Variants in ADH1B observed in about 807,000 individuals in gnomAD.
ADH1B encodes all-trans-retinol dehydrogenase [NAD(+)] ADH1B.
Under a neutral mutation model 34.6 loss-of-function variants are expected in ADH1B, and 29 were observed. The observed-to-expected ratio is 0.84, with a 90% CI of 0.62 to 1.14. ADH1B has a LOEUF of 1.14. ADH1B is among the 50% of genes most tolerant of loss of function. The pLI, the probability that ADH1B is intolerant of heterozygous loss-of-function variation, is 0.00. For synonymous variants in ADH1B, 170 were observed against 175.5 expected (o/e 0.97, Z 0.25); for missense variants, 424 against 468.4 (o/e 0.91, Z 0.87).
chr4:99,312,773 A>C (rs1317708017), intron 6 of ADH1B, among the ~76,000 whole-genome samples: 1 of 152,072 alleles, frequency 6.6e-6, no homozygotes, highest in East Asian at 1.9e-4. Flanking sequence ...GAATCACTTG[A>C]GCCCAGGAGG....
Position 99,321,352 on chromosome 4 carries a change from C to T in ADH1B, c.-21G>A. 1 of 1,610,738 alleles carries T rather than the reference C, an allele frequency of 6.2e-7. No homozygotes were observed. Among genetic ancestry groups the T allele is most frequent in the Non-Finnish European group, 8.5e-7 (1 of 1,177,878 alleles). On this transcript the variant is annotated 5_prime_UTR_variant, in exon 1 of 9. Transcript: ENST00000305046. ...CTCATGTCGTTTCTGTCTTCTCTGC[C>T]CACCAGCAGACTGTGAGTCTTTGTG...
intron 7 of ADH1B, 151 bp from the exon 8 acceptor site, chr4:99,311,054 CT>C: frequency 2.1e-6 from 2 of 937,414 alleles, no homozygotes; most frequent in Non-Finnish European, 1.6e-6. Context: ...CTTCAATATG[CT>C]TTTACAGTGT....
rs1229035745 is a variant in ADH1B at position 99,305,595 on chromosome 4, A to G, written c.*2245T>C. 6 of 128,186 alleles carry G rather than the reference A, an allele frequency of 4.7e-5. No homozygotes were observed. The highest frequency in any genetic ancestry group is 1.7e-4 in the African/African-American group (6 of 34,788). The allele number at this position is 128,186 out of a possible 1,614,324, so 7.9% of individuals were successfully genotyped here. On this transcript the variant is annotated 3_prime_UTR_variant, in exon 9 of 9. Transcript: ENST00000305046. Reference sequence around the variant, plus strand: ...TATATATATATATATATATATATATATATATATATATATACAATCACTTAA... The same window carrying G: ...TATATATATATATATATATATATATGTATATATATATATACAATCACTTAA...
At position 99,306,567 on chromosome 4, in the gene ADH1B, G is replaced by T. The variant is rs1174847418; in HGVS notation, c.*1273C>A. 6.6e-6 allele frequency: 1 copy of T among 152,164 alleles called. No homozygotes were observed. Among genetic ancestry groups the T allele is most frequent in the Non-Finnish European group, 1.5e-5 (1 of 68,022 alleles). 9.4% of individuals were successfully genotyped at this position (152,164 alleles called of 1,614,324 possible). On this transcript the variant is annotated 3_prime_UTR_variant, in exon 9 of 9. Transcript: ENST00000305046. ...TAATATGAAATAGAATGTAGATATT[G>T]CAACAATAGCATTTTTGGAGACAGC...
intron 5 of ADH1B, chr4:99,314,706 T>A (rs1733834777): frequency 6.6e-6 from 1 of 152,660 alleles, no homozygotes. Context: ...TTGTCTATAT[T>A]TCAATAACAA....
chr4:99,313,771 A>G (rs769438704), intron 6 of ADH1B, 50 bp downstream of exon 6: 5 of 1,613,836 alleles, frequency 3.1e-6, no homozygotes, highest in Non-Finnish European at 4.2e-6. Context: ...GCCTAAATGC[A>G]TCTTCCAGGT....
Position 99,318,055 on chromosome 4 carries a change from C to A in ADH1B, c.250G>T (p.Val84Phe), listed in dbSNP as rs762335814. The change falls in exon 3 of 9, where the codon GTC (valine) becomes TTC (phenylalanine). Residue 84 changes from valine to phenylalanine, a missense_variant. Val to Phe is a conservative substitution (Grantham distance 50). Around this residue, in one of 3 missense-constraint regions of ADH1B, gnomAD observed 291 missense variants for 300.4 expected, o/e 0.97. Coordinates refer to ENST00000305046, the MANE Select transcript of ADH1B (RefSeq NM_000668.6). The stretch of plus-strand genomic sequence containing the variant: ...AGTGTGAATCCTGTACCTGGTTTGA[C>A]TGTAGTCACCCCTTCTCCAACACTC... ...VESVGEGVTT[V>F]KPGDKVIPLF... 1 of 1,613,904 alleles carries A rather than the reference C, an allele frequency of 6.2e-7. No individual in the cohort carries two copies. Among genetic ancestry groups the A allele is most frequent in the Non-Finnish European group, 8.5e-7 (1 of 1,179,986 alleles).
In ADH1B at chr4:99,318,049, G is replaced by GT; in HGVS notation, c.255dup (p.Pro86ThrfsTer3). 1 of 1,613,812 alleles carries GT rather than the reference G, an allele frequency of 6.2e-7. No individual in the cohort carries two copies. Among genetic ancestry groups the GT allele is most frequent in the Non-Finnish European group, 8.5e-7 (1 of 1,179,950 alleles). ...TCCCTGAGTGTGAATCCTGTACCTG[G>GT]TTTGACTGTAGTCACCCCTTCTCCA... On this transcript the variant is annotated frameshift_variant, in exon 3 of 9. Coordinates refer to ENST00000305046, the MANE Select transcript of ADH1B (RefSeq NM_000668.6). LOFTEE classifies it high-confidence loss of function.
At chr4:99,317,720 CACTA>C (rs1337144764) in intron 3 of ADH1B, 1 of 286,156 alleles carries the variant, frequency 3.5e-6, no homozygotes, top group Non-Finnish European at 6.4e-6. Flanking sequence ...GTTCAGCCAA[CACTA>C]ACACAGAATT....
intron 1 of ADH1B, 154 bp from the exon 2 acceptor site, chr4:99,319,040 TAAAAG>T: frequency 1.2e-6 from 1 of 860,492 alleles, no homozygotes; most frequent in Non-Finnish European, 2.0e-6. Flanking sequence ...ATAAAGAGAA[TAAAAG>T]TATCTTTTAA....
intron 1 of ADH1B, 37 bp from the exon 2 acceptor site, chr4:99,318,923 C>T: frequency 6.3e-7 from 1 of 1,595,496 alleles, no homozygotes; most frequent in East Asian, 2.2e-5. Flanking sequence ...ACAGTGTTTT[C>T]CCACTCTTGA....
chr4:99,306,136 G>A lies in ADH1B; in HGVS notation c.*1704C>T, dbSNP rs372730464. ...TTCTCTTGCCTCAGCCTCCTGAGTAGCTGGGATTACAGCCACCTGCCACCA... is the reference window on the plus strand; with the variant it reads ...TTCTCTTGCCTCAGCCTCCTGAGTAACTGGGATTACAGCCACCTGCCACCA... On this transcript the variant is annotated 3_prime_UTR_variant, in exon 9 of 9. Coordinates refer to ENST00000305046, the MANE Select transcript of ADH1B (RefSeq NM_000668.6). 2.0e-5 allele frequency: 3 copies of A among 152,340 alleles called. No homozygotes were observed. Among genetic ancestry groups the A allele is most frequent in the East Asian group, 3.9e-4 (2 of 5,178 alleles). 9.4% of individuals were successfully genotyped at this position (152,340 alleles called of 1,614,324 possible).
chr4:99,310,867 G>A lies in ADH1B; in HGVS notation c.1001C>T (p.Ala334Val), dbSNP rs759704217. The part of the protein sequence containing the change: ...KSKEGIPKLV[A>V]DFMAKKFSLD... ...TGAAAACTTCTTAGCCATAAAATCA[G>A]CCACAAGTTTTGGGATACCTTCTTT... Residue 334 changes from alanine (A) to valine (V), a missense_variant, in exon 8 of 9, where the codon GCT becomes GTT. Transcript: ENST00000305046. 1 of 1,613,380 alleles carries A rather than the reference G, an allele frequency of 6.2e-7. No homozygotes were observed. The highest frequency in any genetic ancestry group is 8.5e-7 in the Non-Finnish European group (1 of 1,179,664).
In ADH1B at chr4:99,313,884, T is replaced by G; in HGVS notation, c.765A>C (p.Leu255=). 8 of 1,614,076 alleles carry G rather than the reference T, an allele frequency of 5.0e-6. No homozygotes were observed. Among genetic ancestry groups the G allele is most frequent in the Non-Finnish European group, 6.8e-6 (8 of 1,179,948 alleles). ...CCACACCTCCATCAGTCATTTCCTT[T>G]AGCACTTCCTGAATGGGTTTCTTGT... ...QDYKKPIQEV[L]KEMTDGGVDF... Residue 255 remains leucine (L), a synonymous_variant, in exon 6 of 9, where the codon CTA becomes CTC. Coordinates refer to ENST00000305046, the MANE Select transcript of ADH1B (RefSeq NM_000668.6).
intron 1 of ADH1B, chr4:99,320,741 A>G: frequency 1.6e-5 from 17 of 1,052,470 alleles, no homozygotes; most frequent in Non-Finnish European, 1.9e-5. Context: ...CCTGAATTGT[A>G]TCATAATGGA....
chr4:99,316,138 A>G (rs113306756), intron 4 of ADH1B, 21 bp from the exon 5 acceptor site: 6 of 1,614,186 alleles, frequency 3.7e-6, no homozygotes, highest in South Asian at 1.1e-5. Context: ...CAATACACAG[A>G]CACACAAAGG....
At chr4:99,311,808 G>C in intron 6 of ADH1B, 152 bp from the exon 7 acceptor site, 1 of 1,215,152 alleles carries the variant, frequency 8.2e-7, no homozygotes, top group Non-Finnish European at 1.1e-6. Context: ...TTTTTGCACG[G>C]GATAGTGCTG....
chr4:99,318,421 T>G, intron 2 of ADH1B: 3 of 581,854 alleles, frequency 5.2e-6, no homozygotes, highest in Non-Finnish European at 8.6e-6. Flanking sequence ...TAATTGATTC[T>G]GAAATATTTA....
intron 8 of ADH1B, among the ~76,000 whole-genome samples, chr4:99,309,705 T>C (rs1733701372): frequency 6.6e-6 from 1 of 152,104 alleles, no homozygotes; most frequent in Admixed American, 6.6e-5. Context: ...AAAAACAAGA[T>C]CTACTTTTGA....
Sources: gnomAD v4.1 joint callset for allele counts (sites outside exome capture counted in the v4.1 genomes callset) on GRCh38, gnomAD v4.1.1 for gene constraint, gnomAD v4.1.1 regional missense constraint, MANE v1.5 for transcripts, NCBI Gene and HGNC (gene_info 2026-07-23, HGNC 2026-07-21) for gene names.